Variants in DDX4 observed in about 807,000 individuals in gnomAD.
DDX4 encodes the protein probable ATP-dependent RNA helicase DDX4.
A neutral mutation model predicts 100.0 loss-of-function variants in DDX4; 25 were observed. That is an observed-to-expected ratio of 0.25 (90% confidence interval 0.18 to 0.35). The LOEUF is 0.35. Ranked by LOEUF, DDX4 falls within the 10% of genes least tolerant of loss-of-function variation. The pLI is 1.00. For synonymous variants in DDX4, 259 were observed against 275.7 expected (o/e 0.94, Z 0.60); for missense variants, 635 against 882.4 (o/e 0.72, Z 3.55).
intron 3 of DDX4, 93 bp from the exon 4 acceptor site, chr5:55,760,107 C>A: frequency 2.3e-6 from 3 of 1,284,406 alleles, no homozygotes; most frequent in Non-Finnish European, 3.1e-6. Flanking sequence ...TATAAAATTT[C>A]TCCTTTGCCA....
At position 55,763,194 on chromosome 5, in the gene DDX4, G is replaced by A. The variant is rs1237537655; in HGVS notation, c.225G>A (p.Lys75=). The A allele has an allele frequency of 6.2e-7, 1 of 1,611,828 alleles. No homozygotes were observed. The highest frequency in any genetic ancestry group is 2.2e-5 in the East Asian group (1 of 44,768). Residue 75 remains lysine, a synonymous_variant, in exon 5 of 22, where the codon AAG becomes AAA. Coordinates refer to ENST00000505374, the MANE Select transcript of DDX4 (RefSeq NM_024415.3). The stretch of plus-strand genomic sequence containing the variant: ...TTTCAGATGCTGGTGAGTGTAATAA[G>A]CGAGATAATACATCCACAATGGGTG... ...FGNRDAGECN[K]RDNTSTMGGF...
chr5:55,785,874 C>A lies in DDX4; in HGVS notation c.864+3C>A. ...ATGATGCACCACCAGCAATTCTGGT[C>A]AGTGTATTAATTGTTTCTGTATTAG... On this transcript the variant is annotated splice_donor_region_variant and intron_variant, in intron 13 of 21. Coordinates refer to ENST00000505374, the MANE Select transcript of DDX4 (RefSeq NM_024415.3). 4 of 1,600,216 alleles carry A rather than the reference C, an allele frequency of 2.5e-6. No individual in the cohort carries two copies. In the South Asian group the frequency reaches 4.4e-5, roughly 18 times the overall value.
At chr5:55,766,774 A>T in intron 6 of DDX4, 1 of 743,054 alleles carries the variant, frequency 1.3e-6, no homozygotes, top group Non-Finnish European at 2.0e-6. Flanking sequence ...CCCAGATATT[A>T]AATATTAATG....
intron 7 of DDX4, among the ~76,000 whole-genome samples, chr5:55,770,296 T>C (rs889691894): frequency 4.6e-5 from 7 of 152,098 alleles, no homozygotes; most frequent in African/African-American, 1.7e-4. Context: ...TTAGATGAAC[T>C]GGGGATGTCT....
chr5:55,759,272 A>T (rs1159871772), intron 3 of DDX4, among the ~76,000 whole-genome samples: 1 of 151,990 alleles, frequency 6.6e-6, no homozygotes, highest in African/African-American at 2.4e-5. Flanking sequence ...CTTATTTTCT[A>T]GTATAAATAT....
At chr5:55,740,436 G>T (rs962269772) in intron 2 of DDX4, among the ~76,000 whole-genome samples, 1 of 151,726 alleles carries the variant, frequency 6.6e-6, no homozygotes, top group Non-Finnish European at 1.5e-5. Context: ...CAAAATGCTG[G>T]ATTACAGTCA....
chr5:55,760,907 A>G (rs1740495881), intron 4 of DDX4, among the ~76,000 whole-genome samples: 1 of 152,126 alleles, frequency 6.6e-6, no homozygotes. Context: ...GAAAATCCAT[A>G]CGGTCATTTT....
intron 3 of DDX4, chr5:55,750,312 C>G (rs932459506): frequency 3.9e-5 from 6 of 154,532 alleles, no homozygotes; most frequent in African/African-American, 1.4e-4. Context: ...TGGCAGCAGT[C>G]TTGCATGTAA....
intron 18 of DDX4, among the ~76,000 whole-genome samples, chr5:55,803,139 C>CT (rs975663577): frequency 6.7e-6 from 1 of 149,378 alleles, no homozygotes. Context: ...TGATGTCCCC[C>CT]TTCCTGTGTC....
intron 3 of DDX4, among the ~76,000 whole-genome samples, chr5:55,751,202 G>T (rs990475013): frequency 2.0e-5 from 3 of 152,012 alleles, no homozygotes; most frequent in Non-Finnish European, 2.9e-5. Flanking sequence ...ATTAATTTTA[G>T]CCAGTCTATT....
intron 18 of DDX4, among the ~76,000 whole-genome samples, chr5:55,800,260 C>T (rs7730939): frequency 2.0e-5 from 3 of 151,154 alleles, no homozygotes; most frequent in South Asian, 4.2e-4. Context: ...CTGCTAATGC[C>T]GAAGAGATGA....
intron 7 of DDX4, among the ~76,000 whole-genome samples, chr5:55,771,513 C>G (rs1741252891): frequency 6.6e-6 from 1 of 152,054 alleles, no homozygotes; most frequent in South Asian, 2.1e-4. Context: ...TTTGGATTAC[C>G]TCCAGTTTGG....
At chr5:55,739,057 T>C (rs375798854) in intron 2 of DDX4, 25 bp downstream of exon 2, 2 of 1,347,524 alleles carry the variant, frequency 1.5e-6, no homozygotes, top group African/African-American at 1.4e-5. Context: ...AGTTTAGTTA[T>C]TAAATGCTAC....
chr5:55,779,362 C>T (rs1414547198), intron 7 of DDX4, among the ~76,000 whole-genome samples: 1 of 152,088 alleles, frequency 6.6e-6, no homozygotes, highest in Non-Finnish European at 1.5e-5. Flanking sequence ...TAAATAGTTG[C>T]AAGTTTACAA....
intron 18 of DDX4, among the ~76,000 whole-genome samples, chr5:55,802,450 T>G (rs1027305930): frequency 2.0e-5 from 3 of 151,358 alleles, no homozygotes; most frequent in South Asian, 2.1e-4. Context: ...CACAGAGAGA[T>G]ATTCTCCATA....
rs1280024589 is a variant in DDX4, at chr5:55,814,875, A to G, written c.1716-26A>G. ...CTTTAATGATTTTAAGAGTGGTTCT[A>G]ATAACATGCTTTCTTTTCTTTCAAG... On this transcript the variant is annotated intron_variant, in intron 19 of 21. Transcript: ENST00000505374. 7 of 1,594,104 alleles carry G rather than the reference A, an allele frequency of 4.4e-6. No individual in the cohort carries two copies. The African/African-American group carries it at 6.8e-5, about 15-fold the overall frequency.
At chr5:55,802,647 T>C (rs1451358871) in intron 18 of DDX4, among the ~76,000 whole-genome samples, 1 of 152,240 alleles carries the variant, frequency 6.6e-6, no homozygotes, top group African/African-American at 2.4e-5. Flanking sequence ...GAAGTATTAA[T>C]AGTTCTTCAC....
Position 55,785,334 on chromosome 5 carries a change from C to A in DDX4, c.663C>A (p.Gly221=). ...YKGLNEEVIT[G]SGKNSWKSEA... ...GTTTAAATGAAGAAGTAATAACAGG[C>A]TCTGGAAAGAGTAAGTTTTCCTTAA... Residue 221 remains glycine (G), a synonymous_variant, in exon 11 of 22, where the codon GGC becomes GGA. Coordinates refer to ENST00000505374, the MANE Select transcript of DDX4 (RefSeq NM_024415.3). The A allele has an allele frequency of 1.2e-6, 2 of 1,604,928 alleles. No individual in the cohort carries two copies.
At chr5:55,756,104 A>G (rs1759913436) in intron 3 of DDX4, among the ~76,000 whole-genome samples, 1 of 152,124 alleles carries the variant, frequency 6.6e-6, no homozygotes, top group Non-Finnish European at 1.5e-5. Flanking sequence ...AAATTAAAAT[A>G]TTGATGGTCA....
Sources: allele counts gnomAD v4.1 joint callset (sites outside exome capture counted in the v4.1 genomes callset), GRCh38; gene constraint gnomAD v4.1.1; transcripts MANE v1.5; gene names NCBI Gene and HGNC (gene_info 2026-07-23, HGNC 2026-07-21).